NRXN1: variants seen among roughly 807,000 people sequenced by gnomAD.
NRXN1 encodes neurexin 1.
In NRXN1, 39 loss-of-function variants were observed where a neutral mutation model predicts 150.9. The ratio of observed to expected loss-of-function variants is 0.26; its 90% CI spans 0.20 to 0.34. NRXN1 has a LOEUF of 0.34. Among genes scored for constraint, NRXN1 ranks in the 10% least tolerant of loss-of-function variants. The pLI is 1.00. For missense variants in NRXN1, 1,815 were observed against 1,949.9 expected (o/e 0.93, Z 1.30); for synonymous variants, 924 against 757.0 (o/e 1.22, Z -3.62).
At chr2:50,342,347 G>A (rs1244968909) in intron 17 of NRXN1, among the ~76,000 whole-genome samples, 10 of 152,318 alleles carry the variant, frequency 6.6e-5, no homozygotes, top group Non-Finnish European at 1.5e-5. Flanking sequence ...AGAATCCAAA[G>A]TAAGGAAAAG....
intron 21 of NRXN1, chr2:50,022,782 A>G (rs1038184264): frequency 2.0e-5 from 3 of 152,212 alleles, no homozygotes; most frequent in Non-Finnish European, 4.4e-5. Flanking sequence ...CACTCTTTCT[A>G]TGAAATCTGT....
At chr2:49,964,995 T>TC (rs1676696731) in intron 21 of NRXN1, among the ~76,000 whole-genome samples, 1 of 151,934 alleles carries the variant, frequency 6.6e-6, no homozygotes, top group Non-Finnish European at 1.5e-5. Flanking sequence ...CAAGTGATTC[T>TC]CCCCCTTCAG....
At chr2:50,706,972 T>G (rs1260585931) in intron 5 of NRXN1, among the ~76,000 whole-genome samples, 1 of 152,174 alleles carries the variant, frequency 6.6e-6, no homozygotes, top group Admixed American at 6.6e-5. Context: ...TATCTCATGG[T>G]AAATTTCAAA....
intron 5 of NRXN1, among the ~76,000 whole-genome samples, chr2:50,676,689 A>G (rs1000086740): frequency 3.5e-4 from 53 of 152,182 alleles, no homozygotes; most frequent in Non-Finnish European, 2.9e-5. Context: ...TATAAAAATC[A>G]AGAACCAAAT....
chr2:50,180,209 G>A (rs1270655343), intron 18 of NRXN1, among the ~76,000 whole-genome samples: 2 of 151,824 alleles, frequency 1.3e-5, no homozygotes, highest in Admixed American at 6.6e-5. Context: ...AAAATTTGTA[G>A]AGACACGGTC....
At chr2:50,739,413 G>T in intron 5 of NRXN1, 1 of 226,748 alleles carries the variant, frequency 4.4e-6, no homozygotes, top group Non-Finnish European at 9.3e-6. Flanking sequence ...ATATTTGGAT[G>T]AACCACAAAA....
intron 17 of NRXN1, among the ~76,000 whole-genome samples, chr2:50,268,914 G>C (rs1574845505): frequency 6.6e-6 from 1 of 152,234 alleles, no homozygotes; most frequent in Non-Finnish European, 1.5e-5. Flanking sequence ...TTAATGAAAC[G>C]ATGCTTCATG....
At chr2:50,015,628 T>C (rs1372304446) in intron 21 of NRXN1, among the ~76,000 whole-genome samples, 4 of 151,506 alleles carry the variant, frequency 2.6e-5, no homozygotes, top group African/African-American at 9.7e-5. Context: ...CAGGTCCTTT[T>C]CAATGATAAT....
intron 18 of NRXN1, among the ~76,000 whole-genome samples, chr2:50,169,849 C>T (rs562816215): frequency 1.3e-5 from 2 of 151,320 alleles, no homozygotes; most frequent in African/African-American, 2.4e-5. Flanking sequence ...AACAAACTTA[C>T]ATTGTGTGTT....
At chr2:50,897,820 G>C (rs931896057) in intron 5 of NRXN1, among the ~76,000 whole-genome samples, 1 of 152,154 alleles carries the variant, frequency 6.6e-6, no homozygotes, top group African/African-American at 2.4e-5. Context: ...TCTGTATCTT[G>C]GTTGCAGCAT....
chr2:50,475,369 T>C (rs1016014115), intron 15 of NRXN1, among the ~76,000 whole-genome samples: 1 of 151,562 alleles, frequency 6.6e-6, no homozygotes, highest in African/African-American at 2.4e-5. Context: ...AGCCACCTTA[T>C]GGATTGAGGC....
intron 18 of NRXN1, among the ~76,000 whole-genome samples, chr2:50,141,902 A>C (rs1381899439): frequency 6.6e-6 from 1 of 152,090 alleles, no homozygotes; most frequent in East Asian, 1.9e-4. Flanking sequence ...TAGATTTCTC[A>C]AACACTAAAA....
intron 5 of NRXN1, among the ~76,000 whole-genome samples, chr2:50,733,477 T>A (rs911814303): frequency 3.3e-5 from 5 of 152,198 alleles, no homozygotes; most frequent in African/African-American, 1.2e-4. Flanking sequence ...AAGTGATTAA[T>A]GCCCAATAGT....
chr2:50,597,946 C>A (rs1373568330), intron 8 of NRXN1, among the ~76,000 whole-genome samples: 1 of 152,100 alleles, frequency 6.6e-6, no homozygotes, highest in Non-Finnish European at 1.5e-5. Flanking sequence ...CAAGACTGGC[C>A]TGGCCAATAT....
chr2:50,249,509 C>T (rs1356565927), intron 17 of NRXN1, among the ~76,000 whole-genome samples: 2 of 151,996 alleles, frequency 1.3e-5, no homozygotes, highest in African/African-American at 4.8e-5. Context: ...TCAATAAATA[C>T]TAATTAAGCA....
chr2:50,534,665 T>C (rs932799952), intron 10 of NRXN1, among the ~76,000 whole-genome samples: 13 of 152,172 alleles, frequency 8.5e-5, no homozygotes, highest in African/African-American at 3.1e-4. Context: ...AATAAAAGTG[T>C]AAAAGTCATT....
At chr2:50,193,574 A>G (rs2061575867) in intron 18 of NRXN1, among the ~76,000 whole-genome samples, 1 of 152,148 alleles carries the variant, frequency 6.6e-6, no homozygotes, top group Admixed American at 6.6e-5. Flanking sequence ...CACTACTGGC[A>G]GCATATACAA....
chr2:50,128,540 G>A (rs1490401288), intron 18 of NRXN1, among the ~76,000 whole-genome samples: 1 of 152,100 alleles, frequency 6.6e-6, no homozygotes, highest in Admixed American at 6.5e-5. Flanking sequence ...AAATGTGAAT[G>A]ATATGCCACT....
chr2:50,416,606 G>T (rs914239822), intron 17 of NRXN1, among the ~76,000 whole-genome samples: 1 of 152,130 alleles, frequency 6.6e-6, no homozygotes, highest in Non-Finnish European at 1.5e-5. Flanking sequence ...AAAGGAAGAG[G>T]TTTAATTGAC....
Sources: gnomAD v4.1 joint callset for allele counts (sites outside exome capture counted in the v4.1 genomes callset) on GRCh38, gnomAD v4.1.1 for gene constraint, MANE v1.5 for transcripts, NCBI Gene and HGNC (gene_info 2026-07-23, HGNC 2026-07-21) for gene names.